Variants in ADGRL3 observed in about 807,000 individuals in gnomAD.
ADGRL3 encodes the protein adhesion G protein-coupled receptor L3.
Under a neutral mutation model 153.5 loss-of-function variants are expected in ADGRL3, and 62 were observed. The observed-to-expected ratio is 0.40, with a 90% CI of 0.33 to 0.50. The LOEUF is 0.50. Among genes scored for constraint, ADGRL3 ranks in the 20% least tolerant of loss-of-function variants. The probability of loss-of-function intolerance (pLI) is 0.47; values close to 1 mark genes in which losing one functional copy is unlikely to be tolerated. For synonymous variants in ADGRL3, 710 were observed against 672.5 expected (o/e 1.06, Z -0.86); for missense variants, 1,641 against 1,859.4 (o/e 0.88, Z 2.16).
chr4:61,834,069 C>T (rs890784666), intron 9 of ADGRL3, among the ~76,000 whole-genome samples: 15 of 149,978 alleles, frequency 1.0e-4, no homozygotes, highest in Non-Finnish European at 1.5e-4. Context: ...CACCCATTAA[C>T]TCATCATTTA....
chr4:61,537,234 T>G (rs867255685), intron 4 of ADGRL3, among the ~76,000 whole-genome samples: 1 of 152,114 alleles, frequency 6.6e-6, no homozygotes, highest in Admixed American at 6.5e-5. Context: ...GTTTGTAAAG[T>G]TTCTGCTGAG....
At chr4:61,255,073 A>G (rs1020805919) in intron 1 of ADGRL3, among the ~76,000 whole-genome samples, 4 of 152,164 alleles carry the variant, frequency 2.6e-5, no homozygotes, top group African/African-American at 9.7e-5. Context: ...TATCATGAAC[A>G]TACATTAGAT....
intron 2 of ADGRL3, among the ~76,000 whole-genome samples, chr4:61,433,288 A>T (rs762850017): frequency 6.6e-6 from 1 of 151,888 alleles, no homozygotes; most frequent in African/African-American, 2.4e-5. Context: ...ATTGTCTCAG[A>T]TGATTAAATG....
intron 9 of ADGRL3, among the ~76,000 whole-genome samples, chr4:61,839,121 A>C (rs2148965886): frequency 6.6e-6 from 1 of 152,284 alleles, no homozygotes; most frequent in African/African-American, 2.4e-5. Context: ...GGTAGTTTTA[A>C]ATATGTATTG....
At chr4:61,562,699 G>A (rs1579549820) in intron 4 of ADGRL3, among the ~76,000 whole-genome samples, 1 of 151,990 alleles carries the variant, frequency 6.6e-6, no homozygotes, top group Non-Finnish European at 1.5e-5. Context: ...CTTGCTATTC[G>A]AACCACAAAT....
intron 2 of ADGRL3, among the ~76,000 whole-genome samples, chr4:61,454,472 CT>C: frequency 1.3e-5 from 2 of 152,082 alleles, no homozygotes; most frequent in South Asian, 4.1e-4. Flanking sequence ...GCAAATAAGA[CT>C]TTTTTGGTGA....
At chr4:61,307,964 C>T (rs2094855977) in intron 1 of ADGRL3, among the ~76,000 whole-genome samples, 1 of 152,194 alleles carries the variant, frequency 6.6e-6, no homozygotes, top group African/African-American at 2.4e-5. Context: ...CTAGTTGCCT[C>T]ACAAAGCAGC....
chr4:61,525,298 G>C (rs1560782949), intron 4 of ADGRL3, among the ~76,000 whole-genome samples: 1 of 152,054 alleles, frequency 6.6e-6, no homozygotes, highest in Non-Finnish European at 1.5e-5. Context: ...GTAGAGGAGG[G>C]TGTTCCAGAG....
intron 5 of ADGRL3, among the ~76,000 whole-genome samples, chr4:61,671,439 G>T (rs1301523590): frequency 6.6e-6 from 1 of 152,122 alleles, no homozygotes; most frequent in South Asian, 2.1e-4. Context: ...ATAGCTAATA[G>T]AACTCAACAA....
At chr4:61,646,481 G>A (rs1160415035) in intron 5 of ADGRL3, among the ~76,000 whole-genome samples, 3 of 151,836 alleles carry the variant, frequency 2.0e-5, no homozygotes, top group Non-Finnish European at 4.4e-5. Context: ...TGTCCTTTCT[G>A]TTTGTTATCT....
chr4:61,230,336 G>C (rs764806474), intron 1 of ADGRL3, among the ~76,000 whole-genome samples: 2 of 152,118 alleles, frequency 1.3e-5, no homozygotes, highest in Non-Finnish European at 2.9e-5. Context: ...GTTTAATTAA[G>C]ATGAAACAGT....
chr4:61,530,662 A>T (rs1196672807), intron 4 of ADGRL3, among the ~76,000 whole-genome samples: 1 of 152,160 alleles, frequency 6.6e-6, no homozygotes, highest in East Asian at 1.9e-4. Context: ...TACAAATATG[A>T]TACTACCAGC....
Position 61,783,664 on chromosome 4 carries a change from C to T in ADGRL3, c.1400-30145C>T, listed in dbSNP as rs567705169. ...GTGGGAGATAAAGTAAGAGCCTTGG[C>T]CCCATAGATGAGGAATTCATTATTT... On this transcript the variant is annotated intron_variant, in intron 8 of 26. Transcript: ENST00000683033. Among the ~76,000 whole-genome samples the T allele has an allele frequency of 2.0e-5, 3 of 151,994 alleles. No individual in the cohort carries two copies. The East Asian group carries it at 5.8e-4, about 29-fold the overall frequency.
chr4:61,211,853 T>G (rs910979806), intron 1 of ADGRL3: 2 of 152,184 alleles, frequency 1.3e-5, no homozygotes, highest in African/African-American at 4.8e-5. Flanking sequence ...CCTACAGTGG[T>G]AGAGCCACTG....
At chr4:61,282,025 G>T (rs2093741959) in intron 1 of ADGRL3, among the ~76,000 whole-genome samples, 1 of 151,752 alleles carries the variant, frequency 6.6e-6, no homozygotes. Context: ...TCTTTCATTT[G>T]GCTATCAAGA....
chr4:62,046,100 A>G (rs1230915050), intron 25 of ADGRL3, among the ~76,000 whole-genome samples: 1 of 151,848 alleles, frequency 6.6e-6, no homozygotes, highest in African/African-American at 2.4e-5. Flanking sequence ...ACAATTCCAT[A>G]TATAAGAAAA....
At position 61,845,778 on chromosome 4, in the gene ADGRL3, A is replaced by C. The variant is rs138019158; in HGVS notation, c.1480+31889A>C. 1.2e-3 allele frequency among the ~76,000 whole-genome samples: 184 copies of C among 152,302 alleles called. 3 individuals carry two copies. In the East Asian group the frequency reaches 0.032, roughly 27 times the overall value. On this transcript the variant is annotated intron_variant, in intron 9 of 26. Coordinates refer to ENST00000683033, the MANE Select transcript of ADGRL3 (RefSeq NM_001387552.1). ...ATGACAGAAATAAATGGCTTTAGTG[A>C]GAGACATGGCCATCTGGAGAAAAAT...
chr4:61,290,802 G>C (rs1249041644), intron 1 of ADGRL3, among the ~76,000 whole-genome samples: 1 of 152,034 alleles, frequency 6.6e-6, no homozygotes, highest in Non-Finnish European at 1.5e-5. Flanking sequence ...TTTACAATGT[G>C]TTAGGCCCTG....
chr4:61,375,947 T>A (rs1188577638), intron 1 of ADGRL3, among the ~76,000 whole-genome samples: 1 of 152,140 alleles, frequency 6.6e-6, no homozygotes, highest in Non-Finnish European at 1.5e-5. Flanking sequence ...CTGAATTGAC[T>A]CCCTTGTATT....
Sources: allele counts gnomAD v4.1 joint callset (sites outside exome capture counted in the v4.1 genomes callset), GRCh38; gene constraint gnomAD v4.1.1; transcripts MANE v1.5; gene names NCBI Gene and HGNC (gene_info 2026-07-23, HGNC 2026-07-21).